SULF1: variants seen among roughly 807,000 people sequenced by gnomAD.
SULF1 encodes the protein sulfatase 1.
A neutral mutation model predicts 110.5 loss-of-function variants in SULF1; 46 were observed. The ratio of observed to expected loss-of-function variants is 0.42; its 90% CI spans 0.33 to 0.53. SULF1 has a LOEUF of 0.53. Ranked by LOEUF, SULF1 falls within the 20% of genes least tolerant of loss-of-function variation. The probability of loss-of-function intolerance (pLI) is 0.12; values close to 1 mark genes in which losing one functional copy is unlikely to be tolerated. For synonymous variants in SULF1, 371 were observed against 387.1 expected (o/e 0.96, Z 0.49); for missense variants, 941 against 1,094.2 (o/e 0.86, Z 1.98).
intron 22 of SULF1, among the ~76,000 whole-genome samples, chr8:69,646,105 C>T (rs1811890557): frequency 6.6e-6 from 1 of 152,078 alleles, no homozygotes; most frequent in Non-Finnish European, 1.5e-5. Flanking sequence ...AAAATGTGGT[C>T]ACCCTAGTTA....
intron 3 of SULF1, among the ~76,000 whole-genome samples, chr8:69,533,990 T>G (rs1210761443): frequency 6.6e-6 from 1 of 152,236 alleles, no homozygotes; most frequent in East Asian, 1.9e-4. Context: ...TTTTCCTGGC[T>G]TAAGGGAGTT....
chr8:69,618,451 A>T (rs1259250758), intron 13 of SULF1, among the ~76,000 whole-genome samples: 3 of 152,218 alleles, frequency 2.0e-5, no homozygotes, highest in Admixed American at 6.5e-5. Context: ...TGTAGAGATA[A>T]AGTATACAAG....
At chr8:69,645,556 A>G (rs1811833160) in intron 22 of SULF1, among the ~76,000 whole-genome samples, 1 of 152,230 alleles carries the variant, frequency 6.6e-6, no homozygotes, top group Admixed American at 6.5e-5. Flanking sequence ...GACCAGAAAT[A>G]TATGGCGTCA....
rs1447470231 is a variant in SULF1, at chr8:69,605,074, C to A, written c.1377+142C>A. Reference sequence around the variant, plus strand: ...CTTGAGGGCAAGCTCACTGAGACACCTCTCCGCGGACAGAATTACGTAACT... The same window carrying A: ...CTTGAGGGCAAGCTCACTGAGACACATCTCCGCGGACAGAATTACGTAACT... On this transcript the variant is annotated intron_variant, in intron 13 of 22. Coordinates refer to ENST00000402687, the MANE Select transcript of SULF1 (RefSeq NM_001128205.2). 1.3e-5 allele frequency: 15 copies of A among 1,153,964 alleles called. No homozygotes were observed. In the East Asian group the frequency reaches 3.1e-4, roughly 24 times the overall value. The allele number at this position is 1,153,964 out of a possible 1,614,324, so 71.5% of individuals were successfully genotyped here.
At chr8:69,516,637 T>C (rs533407649) in intron 3 of SULF1, among the ~76,000 whole-genome samples, 1 of 152,320 alleles carries the variant, frequency 6.6e-6, no homozygotes, top group South Asian at 2.1e-4. Context: ...CCATAAATAA[T>C]TTTTACTTTA....
In SULF1 at chr8:69,623,966, C is replaced by T. The variant is rs1480679352; in HGVS notation, c.1619C>T (p.Thr540Ile). 1.2e-6 allele frequency: 2 copies of T among 1,613,812 alleles called. No homozygotes were observed. The highest frequency in any genetic ancestry group is 1.7e-6 in the Non-Finnish European group (2 of 1,179,928). Residue 540 changes from threonine (T) to isoleucine (I), a missense_variant, in exon 15 of 23, where the codon ACT (threonine) becomes ATT (isoleucine). Thr to Ile is a moderately conservative substitution (Grantham distance 89). Around this residue, in one of 3 missense-constraint regions of SULF1, gnomAD observed 822 missense variants for 934.3 expected, o/e 0.88. Transcript: ENST00000402687. ...TPKYKPRFVHTRQTRSLSVEF... is the reference protein window; with the variant it reads ...TPKYKPRFVHIRQTRSLSVEF... ...GAGTACAAGCCCAGATTTGTCCATA[C>T]TCGGCAGACACGTTCCTTGTCCGTC...
chr8:69,551,695 A>T (rs1406867295), intron 3 of SULF1, among the ~76,000 whole-genome samples: 1 of 152,166 alleles, frequency 6.6e-6, no homozygotes, highest in Non-Finnish European at 1.5e-5. Context: ...TGCAACACCT[A>T]CTTGTCTGGG....
intron 13 of SULF1, among the ~76,000 whole-genome samples, chr8:69,616,083 A>ATGTGTATATATATACACACATATATGTG (rs1380934454): frequency 3.6e-4 from 48 of 135,174 alleles, no homozygotes; most frequent in Middle Eastern, 7.2e-3. Flanking sequence ...TGTATATATA[A>ATGTGTATATATATACACACATATATGTG]TGTGTATATA....
At chr8:69,475,531 A>G (rs1310959487) in intron 1 of SULF1, among the ~76,000 whole-genome samples, 2 of 152,172 alleles carry the variant, frequency 1.3e-5, no homozygotes, top group Non-Finnish European at 2.9e-5. Flanking sequence ...AGTCAAATAG[A>G]GGACAAAAGA....
At chr8:69,569,692 C>T (rs1805085615) in intron 5 of SULF1, among the ~76,000 whole-genome samples, 1 of 152,206 alleles carries the variant, frequency 6.6e-6, no homozygotes, top group South Asian at 2.1e-4. Flanking sequence ...ATCTATGTAG[C>T]CCTGTAGGCA....
intron 3 of SULF1, among the ~76,000 whole-genome samples, chr8:69,508,517 A>T (rs2150584366): frequency 6.6e-6 from 1 of 152,348 alleles, no homozygotes; most frequent in South Asian, 2.1e-4. Context: ...CTATTTGTTT[A>T]TTAGTAGCCT....
Position 69,603,635 on chromosome 8 carries a change from A to C in SULF1, c.1226A>C (p.Asp409Ala). 6.2e-7 allele frequency: 1 copy of C among 1,613,562 alleles called. No homozygotes were observed. Among genetic ancestry groups the C allele is most frequent in the Non-Finnish European group, 8.5e-7 (1 of 1,179,440 alleles). ...AACAAGAAGGCCAAAATTTGGCGTG[A>C]TACATTCCTAGTGGAAAGAGGGTAA... ...RTNKKAKIWR[D>A]TFLVERGKFL... Residue 409 changes from aspartate (D) to alanine (A), a missense_variant, in exon 12 of 23, where the codon GAT becomes GCT. By Grantham distance (126) the Asp-to-Ala change is moderately radical. This residue lies in a region of SULF1 where 822 missense variants were observed against 934.3 expected (regional missense o/e 0.88). Transcript: ENST00000402687.
At chr8:69,589,667 AT>A (rs369746716) in intron 8 of SULF1, among the ~76,000 whole-genome samples, 17,896 of 146,996 alleles carry the variant, frequency 0.12, 1,275 homozygotes, top group Middle Eastern at 0.22. Flanking sequence ...AAATAACCTG[AT>A]TTTTTTTTTT....
intron 22 of SULF1, among the ~76,000 whole-genome samples, chr8:69,656,750 C>A (rs1003389595): frequency 2.6e-5 from 4 of 152,104 alleles, no homozygotes; most frequent in Admixed American, 2.0e-4. Context: ...GATTCCATGT[C>A]TTTGCTATTG....
intron 1 of SULF1, among the ~76,000 whole-genome samples, chr8:69,484,796 T>C (rs1809630648): frequency 6.6e-6 from 1 of 151,796 alleles, no homozygotes; most frequent in Non-Finnish European, 1.5e-5. Context: ...GAGAACCACC[T>C]CCAGGATATA....
intron 3 of SULF1, among the ~76,000 whole-genome samples, chr8:69,508,308 T>C (rs1006512735): frequency 1.3e-5 from 2 of 152,180 alleles, no homozygotes; most frequent in Non-Finnish European, 2.9e-5. Context: ...TTTCTCCATG[T>C]TTATCAAGCT....
intron 2 of SULF1, among the ~76,000 whole-genome samples, chr8:69,500,198 C>T (rs1228836982): frequency 2.0e-5 from 3 of 152,082 alleles, no homozygotes; most frequent in Non-Finnish European, 2.9e-5. Context: ...AAAATCAGTC[C>T]AAGTAATAAT....
Position 69,529,652 on chromosome 8 carries a change from A to T in SULF1, c.-134+27684A>T, listed in dbSNP as rs148424677. On this transcript the variant is annotated intron_variant, in intron 3 of 22. Transcript: ENST00000402687. Reference sequence around the variant, plus strand: ...TACATTGTTCTAAGGGACTTACTAGAGTAGGAGGATCCTCTCCCAAGATGG... The same window carrying T: ...TACATTGTTCTAAGGGACTTACTAGTGTAGGAGGATCCTCTCCCAAGATGG... 4.6e-5 allele frequency among the ~76,000 whole-genome samples: 7 copies of T among 152,238 alleles called. No individual in the cohort carries two copies. In the East Asian group the frequency reaches 1.4e-3, roughly 29 times the overall value.
intron 3 of SULF1, among the ~76,000 whole-genome samples, chr8:69,555,830 A>G (rs1399800818): frequency 6.6e-6 from 1 of 152,182 alleles, no homozygotes; most frequent in African/African-American, 2.4e-5. Context: ...TGTTTCCAGA[A>G]ATGCCTTCAA....
Sources: allele counts gnomAD v4.1 joint callset (sites outside exome capture counted in the v4.1 genomes callset), GRCh38; gene constraint gnomAD v4.1.1; regional missense constraint gnomAD v4.1.1; transcripts MANE v1.5; gene names NCBI Gene and HGNC (gene_info 2026-07-23, HGNC 2026-07-21).